Variants in LRRN2 observed in about 807,000 individuals in gnomAD.
LRRN2 encodes leucine rich repeat neuronal 2.
LRRN2 carries 10 observed loss-of-function variants against 35.7 expected under a neutral mutation model. The ratio of observed to expected loss-of-function variants is 0.28; its 90% CI spans 0.17 to 0.47. The LOEUF (loss-of-function observed/expected upper bound fraction) is 0.47, where lower values mean the gene tolerates loss of function less well. Ranked by LOEUF, LRRN2 falls within the 20% of genes least tolerant of loss-of-function variation. The pLI, the probability that LRRN2 is intolerant of heterozygous loss-of-function variation, is 0.99. For missense variants in LRRN2, 731 were observed against 940.3 expected, an observed-to-expected ratio of 0.78 and a Z score of 2.91; for synonymous variants, 391 against 409.6, an observed-to-expected ratio of 0.95 and a Z score of 0.55.
chr1:204,657,337 T>TACACACACACAC lies in LRRN2; in HGVS notation c.-227+27982_-227+27983insGTGTGTGTGTGT, dbSNP rs201153877. Among the ~76,000 whole-genome samples, 484 of 106,600 alleles carry TACACACACACAC rather than the reference T, an allele frequency of 4.5e-3. 2 individuals are homozygous for TACACACACACAC. Among genetic ancestry groups the TACACACACACAC allele is most frequent in the African/African-American group, 7.6e-3 (158 of 20,752 alleles). The allele number at this position is 106,600 out of a possible 152,430, so 69.9% of individuals were successfully genotyped here. A position where few individuals can be genotyped will look rare whatever the true frequency, so the allele number is the denominator to read the frequency against. ...ATATCTATGTGTCTATATATATGTA[T>TACACACACACAC]ATATACACACACACACACACACACA... On this transcript the variant is annotated intron_variant, in intron 1 of 1. Transcript: ENST00000367177.
At position 204,624,360 on chromosome 1, in the gene LRRN2, G is replaced by A. The variant is rs560516075; in HGVS notation, c.-226-4142C>T. On this transcript the variant is annotated intron_variant, in intron 1 of 1. Transcript: ENST00000367177. ...ATGGGGGCTGGGGGCTGCTTTTTGC[G>A]CAGCCAGTGACTGCTGGCCAGCTGT... Among the ~76,000 whole-genome samples, 5 of 152,276 alleles carry A rather than the reference G, an allele frequency of 3.3e-5. No homozygotes were observed. In the East Asian group the frequency reaches 5.8e-4, roughly 18 times the overall value.
chr1:204,639,114 C>G (rs1476432993), intron 1 of LRRN2, among the ~76,000 whole-genome samples: 1 of 152,218 alleles, frequency 6.6e-6, no homozygotes, highest in African/African-American at 2.4e-5. Context: ...CTCAACCTCC[C>G]TAGCTGGTCA....
Position 204,637,216 on chromosome 1 carries a change from C to CTTCT in LRRN2, c.-226-17002_-226-16999dup, listed in dbSNP as rs200714889. 1.1e-3 allele frequency among the ~76,000 whole-genome samples: 164 copies of CTTCT among 152,326 alleles called. No homozygotes were observed. In the East Asian group the frequency reaches 0.012, roughly 11 times the overall value. ...GTGAAGCCAGGACTGAGAACTATTA[C>CTTCT]TTCTGAAGGAAAAATCCATAAAGCA... On this transcript the variant is annotated intron_variant, in intron 1 of 1. Transcript: ENST00000367177.
chr1:204,636,528 G>A (rs547076985), intron 1 of LRRN2, among the ~76,000 whole-genome samples: 2 of 152,336 alleles, frequency 1.3e-5, no homozygotes, highest in East Asian at 1.9e-4. Flanking sequence ...TTGAGCCCAG[G>A]AGTTTGAGAC....
At chr1:204,677,661 C>T (rs897837021) in intron 1 of LRRN2, among the ~76,000 whole-genome samples, 2 of 152,186 alleles carry the variant, frequency 1.3e-5, no homozygotes, top group Non-Finnish European at 2.9e-5. Context: ...GCTCCAGACA[C>T]CAGTGAACTA....
At position 204,618,036 on chromosome 1, in the gene LRRN2, C is replaced by T. The variant is rs762855394; in HGVS notation, c.1957G>A (p.Gly653Ser). The T allele has an allele frequency of 6.2e-7, 1 of 1,613,010 alleles. No homozygotes were observed. Among genetic ancestry groups the T allele is most frequent in the Admixed American group, 1.7e-5 (1 of 59,968 alleles). Residue 653 changes from glycine to serine, a missense_variant, in exon 2 of 2, where the codon GGC becomes AGC. Gly to Ser is a moderately conservative substitution (Grantham distance 56). Around this residue, in one of 3 missense-constraint regions of LRRN2, gnomAD observed 229 missense variants for 258.4 expected, o/e 0.89. Transcript: ENST00000367177. ...CCACCCACACCCTTCCTGGGTTGGC[C>T]TGTGCCAAGGTGGGCCGCTAGCCCA... ...AAGLAAHLGT[G>S]QPRKGVGGRR... is the part of the protein sequence containing the mutation.
chr1:204,634,976 T>C (rs140050598), intron 1 of LRRN2, among the ~76,000 whole-genome samples: 1 of 152,308 alleles, frequency 6.6e-6, no homozygotes, highest in South Asian at 2.1e-4. Flanking sequence ...GAAATATGCA[T>C]GGTGAGCTGA....
intron 1 of LRRN2, among the ~76,000 whole-genome samples, chr1:204,666,457 T>C (rs1286154595): frequency 1.3e-5 from 2 of 152,256 alleles, no homozygotes; most frequent in East Asian, 3.8e-4. Context: ...TTGCTAAACA[T>C]TTATTAAGTG....
chr1:204,646,575 A>G (rs905676874), intron 1 of LRRN2, among the ~76,000 whole-genome samples: 1 of 152,102 alleles, frequency 6.6e-6, no homozygotes, highest in African/African-American at 2.4e-5. Context: ...TTCTCCCTTC[A>G]TGAGAACCTG....
chr1:204,668,726 T>A (rs1668641269), intron 1 of LRRN2, among the ~76,000 whole-genome samples: 1 of 152,196 alleles, frequency 6.6e-6, no homozygotes, highest in East Asian at 1.9e-4. Context: ...CAGGCGATCA[T>A]AATACACACC....
chr1:204,632,085 C>T (rs1292493718), intron 1 of LRRN2, among the ~76,000 whole-genome samples: 1 of 151,814 alleles, frequency 6.6e-6, no homozygotes, highest in Non-Finnish European at 1.5e-5. Context: ...AACAAAACAC[C>T]TATGTGGGTG....
At chr1:204,629,101 C>T (rs1250145526) in intron 1 of LRRN2, 1 of 152,374 alleles carries the variant, frequency 6.6e-6, no homozygotes, top group African/African-American at 2.4e-5. Flanking sequence ...CCCAGGACAT[C>T]CCTTTAGCCC....
chr1:204,658,804 C>T (rs994243671), intron 1 of LRRN2, among the ~76,000 whole-genome samples: 2 of 152,206 alleles, frequency 1.3e-5, no homozygotes, highest in Non-Finnish European at 2.9e-5. Flanking sequence ...ATTTCTTATT[C>T]GCTTTCATCT....
At chr1:204,683,294 C>T (rs533930472) in intron 1 of LRRN2, among the ~76,000 whole-genome samples, 2 of 152,272 alleles carry the variant, frequency 1.3e-5, no homozygotes, top group South Asian at 4.2e-4. Flanking sequence ...ACGGTTTAAG[C>T]TGCAGTTTAC....
chr1:204,680,744 AC>A (rs143964759), intron 1 of LRRN2, among the ~76,000 whole-genome samples: 2,282 of 152,324 alleles, frequency 0.015, 57 homozygotes, highest in African/African-American at 0.052. Flanking sequence ...GCTGAGAGGG[AC>A]GTGTCAGCGG....
At chr1:204,672,920 A>G (rs747553602) in intron 1 of LRRN2, among the ~76,000 whole-genome samples, 4 of 152,242 alleles carry the variant, frequency 2.6e-5, no homozygotes, top group Admixed American at 6.5e-5. Context: ...GCTGGGCAGC[A>G]TATCTCACTG....
intron 1 of LRRN2, among the ~76,000 whole-genome samples, chr1:204,672,708 C>A (rs1463070720): frequency 6.6e-6 from 1 of 152,022 alleles, no homozygotes; most frequent in African/African-American, 2.4e-5. Flanking sequence ...TCCCTCCCAG[C>A]ACTAGTTGAG....
chr1:204,656,575 A>C (rs1050902584), intron 1 of LRRN2, among the ~76,000 whole-genome samples: 2 of 152,186 alleles, frequency 1.3e-5, no homozygotes, highest in Non-Finnish European at 2.9e-5. Flanking sequence ...TGAGTGTTTG[A>C]AAATTTTGGC....
At chr1:204,672,083 G>A (rs974026557) in intron 1 of LRRN2, among the ~76,000 whole-genome samples, 1 of 152,188 alleles carries the variant, frequency 6.6e-6, no homozygotes, top group Non-Finnish European at 1.5e-5. Flanking sequence ...AAGGTGAGTG[G>A]GGAGGATGTC....
Sources: gnomAD v4.1 joint callset for allele counts (sites outside exome capture counted in the v4.1 genomes callset) on GRCh38, gnomAD v4.1.1 for gene constraint, gnomAD v4.1.1 regional missense constraint, MANE v1.5 for transcripts, NCBI Gene and HGNC (gene_info 2026-07-23, HGNC 2026-07-21) for gene names.